The following ABHD18 variants were observed in gnomAD, a reference collection of about 807,000 sequenced individuals.
ABHD18 encodes cardiolipin-specific deacylase, mitochondrial.
In ABHD18, 55 loss-of-function variants were observed where a neutral mutation model predicts 65.9. The observed-to-expected ratio is 0.84, with a 90% CI of 0.67 to 1.05. The LOEUF (loss-of-function observed/expected upper bound fraction) is 1.05. Ranked by LOEUF, ABHD18 falls within the 50% of genes least tolerant of loss-of-function variation. The pLI is 0.00. For missense variants in ABHD18, 533 were observed against 558.5 expected (o/e 0.95, Z 0.46); for synonymous variants, 181 against 180.2 (o/e 1.00, Z -0.04).
chr4:128,029,610 G>A (rs545743712), intron 11 of ABHD18, among the ~76,000 whole-genome samples: 1 of 152,298 alleles, frequency 6.6e-6, no homozygotes, highest in East Asian at 1.9e-4. Context: ...GATCACTTGA[G>A]GTCAGGAGTT....
chr4:128,034,373 G>C (rs756846138), intron 12 of ABHD18, among the ~76,000 whole-genome samples: 2 of 152,042 alleles, frequency 1.3e-5, no homozygotes, highest in Non-Finnish European at 2.9e-5. Context: ...TGAATATTCT[G>C]CTATAAAAAT....
intron 2 of ABHD18, 117 bp downstream of exon 2, chr4:127,983,164 C>G: frequency 1.6e-6 from 1 of 643,478 alleles, no homozygotes; most frequent in Admixed American, 3.4e-5. Flanking sequence ...GCAAATTAAA[C>G]TATGTAAAAT....
chr4:128,008,923 C>T lies in ABHD18; in HGVS notation c.282C>T (p.Phe94=). 6.3e-7 allele frequency: 1 copy of T among 1,599,444 alleles called. No individual in the cohort carries two copies. Among genetic ancestry groups the T allele is most frequent in the Non-Finnish European group, 8.5e-7 (1 of 1,174,546 alleles). The change falls in exon 5 of 13, where the codon TTC becomes TTT. Residue 94 remains phenylalanine (F), a synonymous_variant. Coordinates refer to ENST00000645843, the MANE Select transcript of ABHD18 (RefSeq NM_001358451.3). ...IMPIESVIAR[F]QFIVPKEWNS... ...AAGTCTATGCTTTTAAAAATAGGTTCCAATTTATTGTGCCTAAAGAATGGA... is the reference window on the plus strand; with the variant it reads ...AAGTCTATGCTTTTAAAAATAGGTTTCAATTTATTGTGCCTAAAGAATGGA...
chr4:127,998,541 CTT>C (rs34575955), intron 4 of ABHD18, among the ~76,000 whole-genome samples: 17 of 142,944 alleles, frequency 1.2e-4, no homozygotes, highest in Middle Eastern at 3.6e-3. Context: ...TCCCGGCTGA[CTT>C]TTTTTTTTTT....
intron 4 of ABHD18, among the ~76,000 whole-genome samples, chr4:127,994,996 C>T (rs1487133162): frequency 1.3e-5 from 2 of 152,160 alleles, no homozygotes; most frequent in African/African-American, 4.8e-5. Context: ...TCTCATGTCT[C>T]AGCCTCCCTA....
chr4:128,039,026 AATACATAAATATACACAT>A lies in ABHD18; in HGVS notation c.*3218_*3235del, dbSNP rs1170778478. 2 of 150,618 alleles carry A rather than the reference AATACATAAATATACACAT, an allele frequency of 1.3e-5. No individual in the cohort carries two copies. Among genetic ancestry groups the A allele is most frequent in the Non-Finnish European group, 3.0e-5 (2 of 67,776 alleles). The allele number at this position is 150,618 out of a possible 1,614,324, so 9.3% of individuals were successfully genotyped here. ...CAAAATGGTGGCTTAAGTGTTCTCA[AATACATAAATATACACAT>A]ATACGTATATGTATACGTTTTATAT... On this transcript the variant is annotated 3_prime_UTR_variant, in exon 13 of 13. Coordinates refer to ENST00000645843, the MANE Select transcript of ABHD18 (RefSeq NM_001358451.3).
chr4:128,011,811 G>A lies in ABHD18; in HGVS notation c.470+111G>A, dbSNP rs536663943. ...TCTAAATTGAATACCTAAATATTAT[G>A]GGGGGGGGGAGTTCTGTTATGAAAC... On this transcript the variant is annotated intron_variant, in intron 7 of 12. Coordinates refer to ENST00000645843, the MANE Select transcript of ABHD18 (RefSeq NM_001358451.3). 113 of 221,278 alleles carry A rather than the reference G, an allele frequency of 5.1e-4. 2 individuals carry two copies. The highest frequency in any genetic ancestry group is 2.9e-3 in the African/African-American group (101 of 35,198). The allele number at this position is 221,278 out of a possible 1,614,324, so 13.7% of individuals were successfully genotyped here.
chr4:127,970,591 A>G (rs982601149), intron 1 of ABHD18, among the ~76,000 whole-genome samples: 17 of 142,794 alleles, frequency 1.2e-4, no homozygotes, highest in Non-Finnish European at 2.4e-4. Flanking sequence ...CTCTGTCTCA[A>G]AAAAAAAAAA....
At chr4:127,987,056 T>C (rs1321812367) in intron 3 of ABHD18, among the ~76,000 whole-genome samples, 1 of 152,184 alleles carries the variant, frequency 6.6e-6, no homozygotes, top group Non-Finnish European at 1.5e-5. Context: ...CTTCCTTTAT[T>C]AATAATTAAT....
intron 2 of ABHD18, among the ~76,000 whole-genome samples, chr4:127,983,823 C>T (rs973561255): frequency 2.0e-5 from 3 of 152,060 alleles, no homozygotes; most frequent in African/African-American, 4.8e-5. Flanking sequence ...CGAGATCGCG[C>T]TACTGCACAC....
chr4:127,965,933 T>G (rs1480258169), intron 1 of ABHD18: 1 of 152,382 alleles, frequency 6.6e-6, no homozygotes, highest in Non-Finnish European at 1.5e-5. Flanking sequence ...GAAGGTGGGA[T>G]CTGCTGCTTG....
intron 7 of ABHD18, among the ~76,000 whole-genome samples, chr4:128,013,436 C>T (rs1428723058): frequency 6.6e-6 from 1 of 152,128 alleles, no homozygotes; most frequent in Non-Finnish European, 1.5e-5. Context: ...CGCAGTGGCT[C>T]ACGCCTGTAA....
chr4:128,031,790 A>G (rs1644987709), intron 12 of ABHD18, among the ~76,000 whole-genome samples: 1 of 152,262 alleles, frequency 6.6e-6, no homozygotes, highest in African/African-American at 2.4e-5. Context: ...CTTGAAGGAT[A>G]TAGTAAACCT....
chr4:127,984,508 A>T, intron 3 of ABHD18, 85 bp downstream of exon 3: 3 of 665,134 alleles, frequency 4.5e-6, no homozygotes, highest in Non-Finnish European at 7.4e-6. Context: ...GGAGTATAAC[A>T]ACAATAAACA....
At chr4:128,033,329 C>T (rs1354116641) in intron 12 of ABHD18, among the ~76,000 whole-genome samples, 2 of 152,070 alleles carry the variant, frequency 1.3e-5, no homozygotes, top group African/African-American at 4.8e-5. Flanking sequence ...TATCTGTCTT[C>T]AAAACAAAAT....
At chr4:127,981,156 A>T (rs1261346709) in intron 1 of ABHD18, among the ~76,000 whole-genome samples, 1 of 152,184 alleles carries the variant, frequency 6.6e-6, no homozygotes, top group Non-Finnish European at 1.5e-5. Context: ...TCTCTAACTT[A>T]TGGTGGTTTG....
intron 8 of ABHD18, 95 bp from the exon 9 acceptor site, chr4:128,019,985 A>G (rs554911596): frequency 4.1e-6 from 3 of 735,094 alleles, no homozygotes; most frequent in South Asian, 2.4e-5. Context: ...TTATCTGACC[A>G]ACTATTTACT....
At chr4:127,998,133 C>T (rs1752047432) in intron 4 of ABHD18, among the ~76,000 whole-genome samples, 2 of 152,236 alleles carry the variant, frequency 1.3e-5, no homozygotes, top group South Asian at 2.1e-4. Flanking sequence ...AAGGGATCCT[C>T]CTGCCTCAGC....
chr4:127,989,841 A>T lies in ABHD18; in HGVS notation c.278+20A>T. On this transcript the variant is annotated intron_variant, in intron 4 of 12. Coordinates refer to ENST00000645843, the MANE Select transcript of ABHD18 (RefSeq NM_001358451.3). ...TGCAAGGTAAGAATTTTTTTGTTCA[A>T]AAAGATGAATACATTATTTATGTTC... The T allele has an allele frequency of 2.8e-6, 4 of 1,412,980 alleles. No individual in the cohort carries two copies. Among genetic ancestry groups the T allele is most frequent in the Non-Finnish European group, 3.9e-6 (4 of 1,034,338 alleles). The allele number at this position is 1,412,980 out of a possible 1,614,324, so 87.5% of individuals were successfully genotyped here.
Sources: gnomAD v4.1 joint callset for allele counts (sites outside exome capture counted in the v4.1 genomes callset) on GRCh38, gnomAD v4.1.1 for gene constraint, MANE v1.5 for transcripts, NCBI Gene and HGNC (gene_info 2026-07-23, HGNC 2026-07-21) for gene names.